CAPN8: variants seen among roughly 807,000 people sequenced by gnomAD.
CAPN8 encodes the protein calpain 8, also known as calpain-8.
CAPN8 carries 87 observed loss-of-function variants against 80.9 expected under a neutral mutation model. The observed-to-expected ratio is 1.07, with a 90% CI of 0.90 to 1.28. CAPN8 has a LOEUF of 1.28. Among genes scored for constraint, CAPN8 ranks in the 50% most tolerant of loss-of-function variants. The pLI is 0.00. For missense variants in CAPN8, 757 were observed against 702.0 expected, an observed-to-expected ratio of 1.08 and a Z score of -0.89; for synonymous variants, 299 against 273.8, an observed-to-expected ratio of 1.09 and a Z score of -0.91.
intron 5 of CAPN8, among the ~76,000 whole-genome samples, chr1:223,626,681 G>A (rs924309490): frequency 1.3e-5 from 2 of 152,136 alleles, no homozygotes; most frequent in African/African-American, 4.8e-5. Context: ...AGCAAATGGG[G>A]GGCCTAGGAT....
intron 1 of CAPN8, among the ~76,000 whole-genome samples, chr1:223,659,077 G>A (rs769672474): frequency 1.8e-4 from 27 of 152,112 alleles, no homozygotes; most frequent in Non-Finnish European, 3.2e-4. Flanking sequence ...ACTCAAGCGA[G>A]GATCTCAAAA....
chr1:223,639,493 C>A (rs367623753), intron 2 of CAPN8, among the ~76,000 whole-genome samples: 1 of 152,314 alleles, frequency 6.6e-6, no homozygotes, highest in East Asian at 1.9e-4. Context: ...CTAAGCAAGC[C>A]AAAGCCCAAT....
intron 2 of CAPN8, among the ~76,000 whole-genome samples, chr1:223,629,237 T>TGTG (rs1553337683): frequency 6.6e-6 from 1 of 151,816 alleles, no homozygotes; most frequent in East Asian, 1.9e-4. Flanking sequence ...TGTGTTTATG[T>TGTG]TCCTTGCCCC....
chr1:223,544,818 C>A lies in CAPN8; in HGVS notation c.1866G>T (p.Ser622=). Reference sequence around the variant, plus strand: ...TCATCTCGTGGGCATCGATGGTGCCCGAGTGGTTATAATCAGTTTCCCAAT... The same window carrying A: ...TCATCTCGTGGGCATCGATGGTGCCAGAGTGGTTATAATCAGTTTCCCAAT... ...EIYWETDYNH[S]GTIDAHEMRT... The change falls in exon 18 of 21, where the codon TCG becomes TCT. Residue 622 remains serine, a synonymous_variant. Coordinates refer to ENST00000366872, the MANE Select transcript of CAPN8 (RefSeq NM_001143962.2). 6.4e-7 allele frequency: 1 copy of A among 1,551,614 alleles called. No homozygotes were observed. The highest frequency in any genetic ancestry group is 8.7e-7 in the Non-Finnish European group (1 of 1,146,990).
intron 17 of CAPN8, 159 bp downstream of exon 17, chr1:223,545,072 G>C: frequency 6.4e-6 from 9 of 1,406,062 alleles, no homozygotes; most frequent in Non-Finnish European, 7.7e-6. Flanking sequence ...GTTGGCATGA[G>C]AGTCTCTCAT....
At chr1:223,646,101 C>A (rs1426780371) in intron 2 of CAPN8, among the ~76,000 whole-genome samples, 1 of 152,198 alleles carries the variant, frequency 6.6e-6, no homozygotes, top group Non-Finnish European at 1.5e-5. Context: ...AGCCAGAAAT[C>A]AGCAAGAACA....
chr1:223,652,526 TG>T (rs5781341), intron 2 of CAPN8, among the ~76,000 whole-genome samples: 1,689 of 152,078 alleles, frequency 0.011, 89 homozygotes, highest in East Asian at 0.11. Context: ...GTATGTCGAG[TG>T]GGGAATCTCT....
At chr1:223,651,691 A>C (rs1230280085) in intron 2 of CAPN8, among the ~76,000 whole-genome samples, 1 of 152,264 alleles carries the variant, frequency 6.6e-6, no homozygotes, top group African/African-American at 2.4e-5. Context: ...AAGAGAAAAT[A>C]ACTCAAATGT....
intron 3 of CAPN8, 111 bp from the exon 4 acceptor site, chr1:223,628,253 C>T: frequency 7.9e-7 from 1 of 1,272,012 alleles, no homozygotes; most frequent in Non-Finnish European, 1.1e-6. Flanking sequence ...CGAGTCTTGG[C>T]TCCTTAGGAG....
intron 13 of CAPN8, among the ~76,000 whole-genome samples, chr1:223,555,303 ACTC>A (rs1656878899): frequency 6.6e-6 from 1 of 152,034 alleles, no homozygotes; most frequent in Non-Finnish European, 1.5e-5. Flanking sequence ...CCAGGATTAA[ACTC>A]CAGCCCATGC....
At position 223,631,474 on chromosome 1, in the gene CAPN8, ATC is replaced by A. The variant is rs536377007; in HGVS notation, c.308-2696_308-2695del. Reference sequence around the variant, plus strand: ...GCAAGTTCTAAGGCCACTTGATTACATCTGTTTTTCTCTCTCCCTCATCCCTC... The same window carrying A: ...GCAAGTTCTAAGGCCACTTGATTACATGTTTTTCTCTCTCCCTCATCCCTC... On this transcript the variant is annotated intron_variant, in intron 2 of 20. Transcript: ENST00000366872. Among the ~76,000 whole-genome samples, 323 of 152,214 alleles carry A rather than the reference ATC, an allele frequency of 2.1e-3. 4 individuals are homozygous for A. Among genetic ancestry groups the A allele is most frequent in the African/African-American group, 7.4e-3 (308 of 41,548 alleles).
chr1:223,620,183 C>T lies in CAPN8; in HGVS notation c.974+9G>A, dbSNP rs140898952. ...AATGGGACAGCGCTTCAGCAGAAAA[C>T]TCTCTCACCAGAATTCTCCATCCTC... On this transcript the variant is annotated intron_variant, in intron 8 of 20. Transcript: ENST00000366872. 2,298 of 1,551,436 alleles carry T rather than the reference C, an allele frequency of 1.5e-3. 27 individuals carry two copies. In the African/African-American group the frequency reaches 0.02, roughly 14 times the overall value.
At chr1:223,656,920 G>A (rs1050467483) in intron 1 of CAPN8, among the ~76,000 whole-genome samples, 2 of 151,844 alleles carry the variant, frequency 1.3e-5, no homozygotes, top group African/African-American at 4.8e-5. Flanking sequence ...TCCTGACCTC[G>A]TGATCCGCCC....
intron 16 of CAPN8, among the ~76,000 whole-genome samples, chr1:223,546,372 G>T (rs902010769): frequency 6.6e-6 from 1 of 152,102 alleles, no homozygotes; most frequent in African/African-American, 2.4e-5. Context: ...CTCCAGCCTG[G>T]GCAACATAAT....
chr1:223,656,133 G>C (rs1359010881), intron 1 of CAPN8, among the ~76,000 whole-genome samples: 1 of 151,628 alleles, frequency 6.6e-6, no homozygotes, highest in East Asian at 1.9e-4. Flanking sequence ...TGAAATGGCA[G>C]AAACAGCTCC....
At chr1:223,622,645 G>T in intron 7 of CAPN8, 170 bp downstream of exon 7, 269 of 582,718 alleles carry the variant, frequency 4.6e-4, no homozygotes, top group East Asian at 5.6e-4. Flanking sequence ...TTTTTATTTT[G>T]CTTTTCCCAG....
At chr1:223,664,103 T>C (rs771511213) in intron 1 of CAPN8, among the ~76,000 whole-genome samples, 10 of 152,184 alleles carry the variant, frequency 6.6e-5, no homozygotes, top group Non-Finnish European at 1.3e-4. Context: ...GAGGAATCAC[T>C]TGACAAGGGT....
intron 2 of CAPN8, among the ~76,000 whole-genome samples, chr1:223,630,031 A>G (rs184774754): frequency 3.9e-5 from 6 of 152,282 alleles, no homozygotes; most frequent in Admixed American, 2.0e-4. Flanking sequence ...AGCTATATAC[A>G]TATTCTAGGT....
chr1:223,622,095 T>A (rs1657415838), intron 7 of CAPN8, among the ~76,000 whole-genome samples: 1 of 152,178 alleles, frequency 6.6e-6, no homozygotes, highest in Non-Finnish European at 1.5e-5. Context: ...CCTGAGCCAC[T>A]GTACCCAGCT....
Sources: allele counts gnomAD v4.1 joint callset (sites outside exome capture counted in the v4.1 genomes callset), GRCh38; gene constraint gnomAD v4.1.1; transcripts MANE v1.5; gene names NCBI Gene and HGNC (gene_info 2026-07-23, HGNC 2026-07-21).